The following HTD2 variants were observed in gnomAD, a reference collection of about 807,000 sequenced individuals.
HTD2 encodes hydroxyacyl-thioester dehydratase type 2.
In HTD2, 1 loss-of-function variant was observed where a neutral mutation model predicts 3.1. The observed-to-expected ratio is 0.32, with a 90% CI of 0.11 to 1.52. HTD2 has a LOEUF of 1.52. Ranked by LOEUF, HTD2 falls within the 40% of genes most tolerant of loss-of-function variation. The probability of loss-of-function intolerance (pLI) is 0.39; values close to 1 mark genes in which losing one functional copy is unlikely to be tolerated. For missense variants in HTD2, 150 were observed against 79.6 expected, an observed-to-expected ratio of 1.88 and a Z score of -3.36; for synonymous variants, 50 against 28.9, an observed-to-expected ratio of 1.73 and a Z score of -2.34.
intron 3 of HTD2, 137 bp from the exon 4 acceptor site, chr3:58,316,778 C>A (rs375391430): frequency 4.5e-6 from 4 of 886,502 alleles, no homozygotes; most frequent in East Asian, 2.6e-5. Flanking sequence ...GCAAAACTTA[C>A]GATTTGGTTA....
In HTD2 at chr3:58,317,733, C is replaced by T; in HGVS notation, c.120C>T (p.Asp40=). The T allele has an allele frequency of 1.4e-6, 1 of 703,556 alleles. No homozygotes were observed. The highest frequency in any genetic ancestry group is 2.6e-6 in the Non-Finnish European group (1 of 385,016). 43.6% of individuals were successfully genotyped at this position (703,556 alleles called of 1,614,324 possible). A position where few individuals can be genotyped will look rare whatever the true frequency, so the allele number is the denominator to read the frequency against. ...HFQHMHIKVG[D]RAELRRAFTQ... Reference sequence around the variant, plus strand: ...AGCATATGCACATCAAAGTTGGAGACCGCGCTGAACTTAGGAGGGCCTTCA... The same window carrying T: ...AGCATATGCACATCAAAGTTGGAGATCGCGCTGAACTTAGGAGGGCCTTCA... Residue 40 remains aspartate, a synonymous_variant, in exon 5 of 5, where the codon GAC becomes GAT. Coordinates refer to ENST00000461393, the MANE Select transcript of HTD2 (RefSeq NM_001348712.2).
intron 1 of HTD2, among the ~76,000 whole-genome samples, chr3:58,308,610 C>T (rs1433754794): frequency 6.6e-6 from 1 of 152,164 alleles, no homozygotes; most frequent in East Asian, 1.9e-4. Flanking sequence ...AGATGTAGCT[C>T]CTTGACCCTG....
intron 1 of HTD2, among the ~76,000 whole-genome samples, chr3:58,308,365 C>T (rs2097477994): frequency 6.6e-6 from 1 of 152,232 alleles, no homozygotes; most frequent in African/African-American, 2.4e-5. Context: ...TGCACTGTAT[C>T]CTTAACCTCC....
At chr3:58,310,965 CAAAA>C (rs3038127) in intron 2 of HTD2, among the ~76,000 whole-genome samples, 5 of 142,766 alleles carry the variant, frequency 3.5e-5, no homozygotes, top group African/African-American at 1.3e-4. Flanking sequence ...TTTCAAACAT[CAAAA>C]AAAAAAAAAA....
rs2107512178 is a variant in HTD2, at chr3:58,318,715, T to C, written c.*595T>C. 6.8e-6 allele frequency: 1 copy of C among 147,424 alleles called. No individual in the cohort carries two copies. The highest frequency in any genetic ancestry group is 2.1e-4 in the South Asian group (1 of 4,676). The allele number at this position is 147,424 out of a possible 1,614,324, so 9.1% of individuals were successfully genotyped here. On this transcript the variant is annotated 3_prime_UTR_variant, in exon 5 of 5. Transcript: ENST00000461393. The stretch of plus-strand genomic sequence containing the variant: ...GGAAGGTTATTTAAAGACTCTACTT[T>C]TAAATCAGGCGTGGCAGCTCACGCC...
intron 2 of HTD2, among the ~76,000 whole-genome samples, chr3:58,312,857 A>G (rs2097483774): frequency 6.6e-6 from 1 of 151,830 alleles, no homozygotes; most frequent in African/African-American, 2.4e-5. Flanking sequence ...GCTACTTGGA[A>G]GACTGAGGCA....
chr3:58,313,851 T>C (rs1395849479), intron 2 of HTD2, among the ~76,000 whole-genome samples: 1 of 152,110 alleles, frequency 6.6e-6, no homozygotes, highest in Non-Finnish European at 1.5e-5. Flanking sequence ...AAAATATTTG[T>C]AAACCACGTA....
intron 1 of HTD2, chr3:58,307,951 A>G (rs948518474): frequency 6.6e-6 from 1 of 151,868 alleles, no homozygotes; most frequent in East Asian, 1.9e-4. Flanking sequence ...CTGTGCAGCC[A>G]TCACCACTGT....
intron 4 of HTD2, among the ~76,000 whole-genome samples, 179 bp from the exon 5 acceptor site, chr3:58,317,261 A>C (rs1234731709): frequency 6.6e-6 from 1 of 152,080 alleles, no homozygotes; most frequent in African/African-American, 2.4e-5. Flanking sequence ...TGTGTGTTAT[A>C]TATTGGTACG....
chr3:58,318,495 CAAA>C lies in HTD2; in HGVS notation c.*394_*396del, dbSNP rs34820106. ...CAACATGGTGAAACCCCATCTCTACCAAAAAAAAAAAAAAAAAAAAAGTGCAAC... is the reference window on the plus strand; with the variant it reads ...CAACATGGTGAAACCCCATCTCTACCAAAAAAAAAAAAAAAAAAGTGCAAC... On this transcript the variant is annotated 3_prime_UTR_variant, in exon 5 of 5. Transcript: ENST00000461393. 9.5e-5 allele frequency: 8 copies of C among 83,868 alleles called. No individual in the cohort carries two copies. The highest frequency in any genetic ancestry group is 4.9e-4 in the South Asian group (1 of 2,056). 5.2% of individuals were successfully genotyped at this position (83,868 alleles called of 1,614,324 possible).
chr3:58,312,992 G>A (rs1173056288), intron 2 of HTD2, among the ~76,000 whole-genome samples: 16 of 141,814 alleles, frequency 1.1e-4, no homozygotes, highest in African/African-American at 4.2e-4. Context: ...GGCTGGGCAC[G>A]GTAGCTCACG....
In HTD2 at chr3:58,310,536, A is replaced by T. The variant is rs773772521; in HGVS notation, c.-386A>T. On this transcript the variant is annotated 5_prime_UTR_variant, in exon 2 of 5. An upstream start codon of the reference 5' UTR is lost. Coordinates refer to ENST00000461393, the MANE Select transcript of HTD2 (RefSeq NM_001348712.2). ...TTTCAAGATTGTGGAGTTGGACTGA[A>T]TGCTGCACAGTTCAAACAGCTGCTT... The T allele has an allele frequency of 1.1e-5, 17 of 1,613,100 alleles. 1 individual carries two copies. The Admixed American group carries it at 2.8e-4, about 27-fold the overall frequency.
chr3:58,310,812 C>A (rs2097481375), intron 2 of HTD2, among the ~76,000 whole-genome samples: 1 of 151,804 alleles, frequency 6.6e-6, no homozygotes, highest in Admixed American at 6.6e-5. Context: ...CACCTGTAAT[C>A]CCAGCTACTC....
At chr3:58,317,396 G>A (rs1473971) in intron 4 of HTD2, 44 bp from the exon 5 acceptor site, 127,005 of 1,333,348 alleles carry the variant, frequency 0.095, 6,898 homozygotes, top group African/African-American at 0.2. Flanking sequence ...CTGTGCTTCA[G>A]TGTGGTTTCT....
chr3:58,310,410 A>G, intron 1 of HTD2, 97 bp from the exon 2 acceptor site: 2 of 1,613,574 alleles, frequency 1.2e-6, no homozygotes, highest in Non-Finnish European at 1.7e-6. Context: ...TCTGCCTGTA[A>G]GTTTAGTTTC....
intron 2 of HTD2, 121 bp from the exon 3 acceptor site, chr3:58,316,394 A>G (rs545800070): frequency 9.2e-6 from 8 of 866,830 alleles, no homozygotes; most frequent in Admixed American, 3.9e-5. Context: ...TGCCAGCACC[A>G]TTAAATAAAA....
rs146360695 is a variant in HTD2 at position 58,311,793 on chromosome 3, G to A, written c.-331+1202G>A. On this transcript the variant is annotated intron_variant, in intron 2 of 4. Coordinates refer to ENST00000461393, the MANE Select transcript of HTD2 (RefSeq NM_001348712.2). ...TATGCCCAGCTGCACATGTCTTTTT[G>A]AATTGATTTCCTTTCTCTTGGATTT... 5.3e-5 allele frequency among the ~76,000 whole-genome samples: 8 copies of A among 151,368 alleles called. No individual in the cohort carries two copies. The East Asian group carries it at 1.4e-3, about 26-fold the overall frequency.
At chr3:58,311,906 C>G (rs1019558820) in intron 2 of HTD2, among the ~76,000 whole-genome samples, 1 of 151,996 alleles carries the variant, frequency 6.6e-6, no homozygotes, top group Non-Finnish European at 1.5e-5. Context: ...GAAGTCTTGC[C>G]GTGATGCCCA....
rs1056671381 is a variant in HTD2 at position 58,319,343 on chromosome 3, C to G, written c.*1223C>G. On this transcript the variant is annotated 3_prime_UTR_variant, in exon 5 of 5. Transcript: ENST00000461393. ...GGTCTGATCTGTAAAATAGTGGTAG[C>G]ACATGCCATGTGGGATAGTTGGTGG... 1 of 152,180 alleles carries G rather than the reference C, an allele frequency of 6.6e-6. No homozygotes were observed. Among genetic ancestry groups the G allele is most frequent in the Non-Finnish European group, 1.5e-5 (1 of 68,046 alleles). 9.4% of individuals were successfully genotyped at this position (152,180 alleles called of 1,614,324 possible). A position where few individuals can be genotyped will look rare whatever the true frequency, so the allele number is the denominator to read the frequency against.
Sources: allele counts gnomAD v4.1 joint callset (sites outside exome capture counted in the v4.1 genomes callset), GRCh38; gene constraint gnomAD v4.1.1; transcripts MANE v1.5; gene names NCBI Gene and HGNC (gene_info 2026-07-23, HGNC 2026-07-21).